CTNNA3: variants seen among roughly 807,000 people sequenced by gnomAD.
The protein encoded by CTNNA3 is catenin alpha-3.
A neutral mutation model predicts 95.7 loss-of-function variants in CTNNA3; 76 were observed. The observed-to-expected ratio is 0.79, with a 90% CI of 0.66 to 0.96. CTNNA3 has a LOEUF of 0.96. CTNNA3 is among the 40% of genes least tolerant of loss of function. The pLI, the probability that CTNNA3 is intolerant of heterozygous loss-of-function variation, is 0.00. For missense variants in CTNNA3, 1,191 were observed against 1,089.8 expected (o/e 1.09, Z -1.31); for synonymous variants, 431 against 374.4 (o/e 1.15, Z -1.74).
chr10:66,978,702 A>G (rs539196979), intron 7 of CTNNA3, among the ~76,000 whole-genome samples: 3 of 150,088 alleles, frequency 2.0e-5, no homozygotes, highest in South Asian at 4.2e-4. Flanking sequence ...CAATTCATAA[A>G]GTTCCAGTGA....
intron 13 of CTNNA3, among the ~76,000 whole-genome samples, chr10:66,217,276 C>A (rs2088609000): frequency 6.6e-6 from 1 of 151,354 alleles, no homozygotes; most frequent in Non-Finnish European, 1.5e-5. Context: ...TTGCTTGAAC[C>A]CGAGAGGCAG....
At chr10:66,944,078 CTCTT>C (rs1564785357) in intron 7 of CTNNA3, among the ~76,000 whole-genome samples, 1 of 152,146 alleles carries the variant, frequency 6.6e-6, no homozygotes, top group Non-Finnish European at 1.5e-5. Flanking sequence ...CATTGGTTGA[CTCTT>C]TCATGAAAGA....
intron 9 of CTNNA3, among the ~76,000 whole-genome samples, chr10:66,755,823 A>C (rs1284702218): frequency 1.3e-5 from 2 of 152,092 alleles, no homozygotes; most frequent in Admixed American, 6.6e-5. Flanking sequence ...TCTTTAGTTC[A>C]TAGTTTAGAA....
intron 10 of CTNNA3, among the ~76,000 whole-genome samples, chr10:66,578,290 T>C (rs144905415): frequency 3.3e-5 from 5 of 152,118 alleles, no homozygotes; most frequent in African/African-American, 1.2e-4. Context: ...ACTTCCTCTC[T>C]ATTTGGATGC....
intron 7 of CTNNA3, among the ~76,000 whole-genome samples, chr10:66,805,533 T>C (rs1841605804): frequency 1.3e-5 from 2 of 149,932 alleles, no homozygotes; most frequent in South Asian, 4.2e-4. Flanking sequence ...TATCCTTCAA[T>C]TGTATTCTTG....
intron 3 of CTNNA3, 136 bp from the exon 4 acceptor site, chr10:67,539,805 C>G (rs972184109): frequency 8.0e-6 from 6 of 749,696 alleles, no homozygotes; most frequent in Non-Finnish European, 1.3e-5. Context: ...ACAATTTTCT[C>G]TCTCAATAAA....
At chr10:67,404,197 G>A (rs914715503) in intron 5 of CTNNA3, among the ~76,000 whole-genome samples, 1 of 152,108 alleles carries the variant, frequency 6.6e-6, no homozygotes, top group African/African-American at 2.4e-5. Flanking sequence ...ACTGGACTGA[G>A]GCTGAGATGG....
chr10:66,542,443 T>C (rs990534451), intron 10 of CTNNA3, among the ~76,000 whole-genome samples: 2 of 152,114 alleles, frequency 1.3e-5, no homozygotes, highest in East Asian at 3.9e-4. Context: ...TCCACACATA[T>C]GTTTATTGTG....
intron 17 of CTNNA3, among the ~76,000 whole-genome samples, chr10:65,922,508 G>T (rs186875149): frequency 6.6e-6 from 1 of 152,136 alleles, no homozygotes; most frequent in Admixed American, 6.5e-5. Flanking sequence ...TAAAACCTGG[G>T]TCTCAATACA....
rs370334291 is a variant in CTNNA3 at position 66,705,661 on chromosome 10, C to A, written c.1281+60603G>T. On this transcript the variant is annotated intron_variant, in intron 9 of 17. Coordinates refer to ENST00000433211, the MANE Select transcript of CTNNA3 (RefSeq NM_013266.4). ...ATTGTGTGTTTGTTTAATACTCCAT[C>A]TTTTTTTGGAAGCATAATATCCCTT... is the stretch of plus-strand genomic sequence containing the variant. Among the ~76,000 whole-genome samples the A allele has an allele frequency of 2.0e-4, 30 of 152,090 alleles. 1 individual carries two copies. The East Asian group carries it at 3.5e-3, about 18-fold the overall frequency.
chr10:66,466,324 A>G (rs2131861218), intron 11 of CTNNA3, among the ~76,000 whole-genome samples: 1 of 137,154 alleles, frequency 7.3e-6, no homozygotes, highest in East Asian at 2.5e-4. Flanking sequence ...ACACACACAT[A>G]CACGCACCCA....
At chr10:66,113,715 A>G (rs2082203930) in intron 13 of CTNNA3, among the ~76,000 whole-genome samples, 3 of 152,182 alleles carry the variant, frequency 2.0e-5, no homozygotes, top group African/African-American at 7.2e-5. Flanking sequence ...TATTTCAGAA[A>G]ACTTTGTATT....
rs2076973801 is a variant in CTNNA3 at position 65,913,694 on chromosome 10, A to T, written c.*6636T>A. The stretch of plus-strand genomic sequence containing the variant: ...TATGTTTAAATATTCAGGAAGGAGG[A>T]TAGTTCTGTTTAACTGAGAGCAGGG... On this transcript the variant is annotated 3_prime_UTR_variant, in exon 18 of 18. Coordinates refer to ENST00000433211, the MANE Select transcript of CTNNA3 (RefSeq NM_013266.4). 1 of 152,130 alleles carries T rather than the reference A, an allele frequency of 6.6e-6. No individual in the cohort carries two copies. Among genetic ancestry groups the T allele is most frequent in the South Asian group, 2.1e-4 (1 of 4,822 alleles). 9.4% of individuals were successfully genotyped at this position (152,130 alleles called of 1,614,324 possible).
intron 15 of CTNNA3, among the ~76,000 whole-genome samples, chr10:66,062,479 AG>A (rs1002670806): frequency 2.0e-5 from 3 of 152,126 alleles, no homozygotes; most frequent in African/African-American, 7.2e-5. Flanking sequence ...AATGTGACAA[AG>A]GTGGAACCAA....
intron 12 of CTNNA3, among the ~76,000 whole-genome samples, chr10:66,309,863 G>T (rs1358594549): frequency 2.0e-5 from 3 of 149,436 alleles, no homozygotes; most frequent in South Asian, 2.1e-4. Context: ...TTCGAGACCA[G>T]CCTAGCCAAC....
chr10:67,234,043 T>A (rs752193516), intron 5 of CTNNA3, among the ~76,000 whole-genome samples: 1 of 151,346 alleles, frequency 6.6e-6, no homozygotes, highest in East Asian at 1.9e-4. Context: ...CCAAAAAGAG[T>A]CCAGGACCAG....
At chr10:67,596,796 A>T (rs1420935557) in intron 3 of CTNNA3, among the ~76,000 whole-genome samples, 1 of 152,226 alleles carries the variant, frequency 6.6e-6, no homozygotes, top group Non-Finnish European at 1.5e-5. Context: ...AATTTCCTGT[A>T]TCTGAATGTC....
chr10:66,575,943 G>T (rs1842990764), intron 10 of CTNNA3, among the ~76,000 whole-genome samples: 1 of 152,018 alleles, frequency 6.6e-6, no homozygotes, highest in South Asian at 2.1e-4. Flanking sequence ...AAATATTGTT[G>T]TGAAAATAAC....
rs1046419371 is a variant in CTNNA3, at chr10:66,716,524, C to T, written c.1281+49740G>A. Among the ~76,000 whole-genome samples, 5 of 152,050 alleles carry T rather than the reference C, an allele frequency of 3.3e-5. No homozygotes were observed. In the East Asian group the frequency reaches 5.8e-4, roughly 18 times the overall value. ...AGAAAAATTGTGGAGAAGAATTTTC[C>T]GGTAGCCCGAGTAATATTAACCACG... On this transcript the variant is annotated intron_variant, in intron 9 of 17. Coordinates refer to ENST00000433211, the MANE Select transcript of CTNNA3 (RefSeq NM_013266.4).
Sources: allele counts gnomAD v4.1 joint callset (sites outside exome capture counted in the v4.1 genomes callset), GRCh38; gene constraint gnomAD v4.1.1; transcripts MANE v1.5; gene names NCBI Gene and HGNC (gene_info 2026-07-23, HGNC 2026-07-21).